POC1A: variants seen among roughly 807,000 people sequenced by gnomAD.
POC1A encodes the protein POC1 centriolar protein homolog A.
A neutral mutation model predicts 47.8 loss-of-function variants in POC1A; 34 were observed. The observed-to-expected ratio is 0.71, with a 90% CI of 0.54 to 0.95. The LOEUF (loss-of-function observed/expected upper bound fraction) is 0.95, where lower values mean the gene tolerates loss of function less well. POC1A is among the 40% of genes least tolerant of loss of function. POC1A has a pLI of 0.00. For missense variants in POC1A, 466 were observed against 528.3 expected, an observed-to-expected ratio of 0.88 and a Z score of 1.16; for synonymous variants, 177 against 207.6, an observed-to-expected ratio of 0.85 and a Z score of 1.27.
At chr3:52,080,106 G>T (rs1702235731) in intron 10 of POC1A, among the ~76,000 whole-genome samples, 1 of 152,164 alleles carries the variant, frequency 6.6e-6, no homozygotes, top group South Asian at 2.1e-4. Flanking sequence ...TTCAGCGTGG[G>T]AGCTTTTATC....
intron 9 of POC1A, among the ~76,000 whole-genome samples, chr3:52,118,611 A>G (rs564067388): frequency 6.6e-6 from 1 of 152,238 alleles, no homozygotes; most frequent in African/African-American, 2.4e-5. Context: ...GTGGTCTGCT[A>G]GTGGGTAAGT....
chr3:52,154,358 G>T lies in POC1A; in HGVS notation c.15C>A (p.Cys5Ter). ...AGTTGCTCTCGGCTGGGCTTACCGC[G>T]CAGGGCGCAGCCATGGCGGGGCTGG... The part of the protein sequence containing the change: MAAP[C>*]AEDPSLERHF... Residue 5 changes from cysteine to a stop codon, truncating the protein, a stop_gained, in exon 1 of 11, where the codon TGC (cysteine) becomes TGA (stop). Transcript: ENST00000296484. LOFTEE classifies it high-confidence loss of function. The T allele has an allele frequency of 6.5e-7, 1 of 1,538,326 alleles. No individual in the cohort carries two copies. The highest frequency in any genetic ancestry group is 8.7e-7 in the Non-Finnish European group (1 of 1,148,936).
intron 7 of POC1A, among the ~76,000 whole-genome samples, chr3:52,125,745 A>G (rs1703973064): frequency 6.6e-6 from 1 of 152,174 alleles, no homozygotes; most frequent in African/African-American, 2.4e-5. Context: ...GCAATGTGAC[A>G]CGTCTCTCTA....
At chr3:52,135,013 C>T (rs1321376684) in intron 7 of POC1A, among the ~76,000 whole-genome samples, 3 of 152,172 alleles carry the variant, frequency 2.0e-5, no homozygotes, top group Non-Finnish European at 4.4e-5. Context: ...ATGAAGTCAC[C>T]AAAGAACCAG....
chr3:52,114,314 A>C (rs149786547), intron 9 of POC1A, among the ~76,000 whole-genome samples: 1 of 152,192 alleles, frequency 6.6e-6, no homozygotes, highest in Non-Finnish European at 1.5e-5. Context: ...GCCCCAGTAC[A>C]TCCCATGTAA....
intron 9 of POC1A, among the ~76,000 whole-genome samples, chr3:52,110,078 G>C (rs1469938638): frequency 6.6e-6 from 1 of 152,102 alleles, no homozygotes; most frequent in Non-Finnish European, 1.5e-5. Flanking sequence ...ATGCCAAAAG[G>C]AAAGACAGCC....
intron 8 of POC1A, among the ~76,000 whole-genome samples, chr3:52,123,236 A>G (rs1703861461): frequency 6.6e-6 from 1 of 152,232 alleles, no homozygotes; most frequent in African/African-American, 2.4e-5. Flanking sequence ...GTGTCCTCCT[A>G]TCAGCAGGAC....
chr3:52,145,729 C>G lies in POC1A; in HGVS notation c.679+117G>C, dbSNP rs557897282. ...CTGGAATCCCAACAAACCCAGGACA[C>G]CTTCCTGCCCAAGGCCATCTCAGAC... On this transcript the variant is annotated intron_variant, in intron 6 of 10. Coordinates refer to ENST00000296484, the MANE Select transcript of POC1A (RefSeq NM_015426.5). The G allele has an allele frequency of 1.2e-5, 8 of 643,620 alleles. No homozygotes were observed. In the African/African-American group the frequency reaches 1.4e-4, roughly 12 times the overall value. The allele number at this position is 643,620 out of a possible 1,614,324, so 39.9% of individuals were successfully genotyped here. A position where few individuals can be genotyped will look rare whatever the true frequency, so the allele number is the denominator to read the frequency against.
At position 52,079,198 on chromosome 3, in the gene POC1A, C is replaced by CA. The variant is rs1202962822; in HGVS notation, c.1126-3214dup. 2.6e-5 allele frequency among the ~76,000 whole-genome samples: 4 copies of CA among 152,238 alleles called. No individual in the cohort carries two copies. Among genetic ancestry groups the CA allele is most frequent in the African/African-American group, 9.6e-5 (4 of 41,462 alleles). On this transcript the variant is annotated intron_variant, in intron 10 of 10. Coordinates refer to ENST00000296484, the MANE Select transcript of POC1A (RefSeq NM_015426.5). This position sits in a 1 kb window ranked among gnomAD's most constrained non-coding sequence, Gnocchi z 4.6. The stretch of plus-strand genomic sequence containing the variant: ...TCACAACAAAAAGTAAGCACATCCC[C>CA]ACATACCCATACGAGGGTTCAGAAA...
At chr3:52,141,984 G>A (rs1698208773) in intron 6 of POC1A, among the ~76,000 whole-genome samples, 2 of 152,230 alleles carry the variant, frequency 1.3e-5, no homozygotes, top group African/African-American at 2.4e-5. Flanking sequence ...CTCTCCCAGG[G>A]AGCCTGAAGA....
At chr3:52,143,963 GGGTCTGGACCCTCCCAGGGTCA>G (rs1698283810) in intron 6 of POC1A, among the ~76,000 whole-genome samples, 1 of 152,156 alleles carries the variant, frequency 6.6e-6, no homozygotes. Flanking sequence ...CATCAGAGAT[GGGTCTGGACCCTCCCAGGGTCA>G]CCTAGACATC....
intron 9 of POC1A, among the ~76,000 whole-genome samples, chr3:52,102,451 G>T (rs912511838): frequency 6.6e-6 from 1 of 152,068 alleles, no homozygotes; most frequent in Non-Finnish European, 1.5e-5. Context: ...CTCTGCCTTT[G>T]TCTTCACATG....
chr3:52,091,578 T>C (rs949691079), intron 10 of POC1A, among the ~76,000 whole-genome samples: 2 of 152,100 alleles, frequency 1.3e-5, no homozygotes, highest in African/African-American at 2.4e-5. Context: ...CCCTCCTCCT[T>C]CCCGGGGTTG....
At chr3:52,141,356 C>A (rs1698187263) in intron 6 of POC1A, among the ~76,000 whole-genome samples, 1 of 152,212 alleles carries the variant, frequency 6.6e-6, no homozygotes, top group Non-Finnish European at 1.5e-5. Flanking sequence ...CTAGAGGAGA[C>A]CATGCCAGGG....
intron 5 of POC1A, 70 bp from the exon 6 acceptor site, chr3:52,146,031 G>T: frequency 2.2e-6 from 2 of 900,268 alleles, no homozygotes; most frequent in Non-Finnish European, 1.8e-6. Flanking sequence ...AGAAACATTT[G>T]GTGCTTTCCC....
At chr3:52,123,537 G>A (rs1009913175) in intron 8 of POC1A, among the ~76,000 whole-genome samples, 8 of 152,206 alleles carry the variant, frequency 5.3e-5, no homozygotes, top group Non-Finnish European at 1.5e-5. Context: ...CCTCACCACT[G>A]TCTGAGCAGC....
At chr3:52,088,667 C>T (rs577390326) in intron 10 of POC1A, among the ~76,000 whole-genome samples, 109 of 152,214 alleles carry the variant, frequency 7.2e-4, no homozygotes, top group African/African-American at 2.5e-3. Flanking sequence ...ATAACACAGG[C>T]CCCTTTCTTG....
chr3:52,126,201 T>C (rs1397437507), intron 7 of POC1A, among the ~76,000 whole-genome samples: 1 of 152,194 alleles, frequency 6.6e-6, no homozygotes, highest in Non-Finnish European at 1.5e-5. Flanking sequence ...GCCCATGAGA[T>C]GGGCTCTGGC....
chr3:52,111,652 TAAAAAAAAAA>T (rs59028696), intron 9 of POC1A, among the ~76,000 whole-genome samples: 3 of 95,142 alleles, frequency 3.2e-5, no homozygotes, highest in African/African-American at 7.1e-5. Context: ...GTCTCAAAAT[TAAAAAAAAAA>T]AAAAAAAAAA....
Sources: allele counts gnomAD v4.1 joint callset (sites outside exome capture counted in the v4.1 genomes callset), GRCh38; gene constraint gnomAD v4.1.1; non-coding constraint Gnocchi (gnomAD v3.1); transcripts MANE v1.5; gene names NCBI Gene and HGNC (gene_info 2026-07-23, HGNC 2026-07-21).